Variants in GRAMD4 observed in about 807,000 individuals in gnomAD.
GRAMD4 encodes GRAM domain containing 4, also known as GRAM domain-containing protein 4.
Under a neutral mutation model 83.9 loss-of-function variants are expected in GRAMD4, and 25 were observed. The observed-to-expected ratio is 0.30, with a 90% CI of 0.22 to 0.42. The LOEUF (loss-of-function observed/expected upper bound fraction) is 0.42. Among genes scored for constraint, GRAMD4 ranks in the 10% least tolerant of loss-of-function variants. GRAMD4 has a pLI of 1.00. For synonymous variants in GRAMD4, 336 were observed against 320.9 expected, an observed-to-expected ratio of 1.05 and a Z score of -0.50; for missense variants, 593 against 788.7, an observed-to-expected ratio of 0.75 and a Z score of 2.97.
chr22:46,589,861 C>T (rs1602299437), intron 1 of GRAMD4, among the ~76,000 whole-genome samples: 1 of 152,158 alleles, frequency 6.6e-6, no homozygotes, highest in African/African-American at 2.4e-5. Flanking sequence ...AGCCTGACTG[C>T]CTCCCCTCCC....
intron 3 of GRAMD4, among the ~76,000 whole-genome samples, chr22:46,653,928 C>A (rs2082204165): frequency 6.6e-6 from 1 of 152,220 alleles, no homozygotes; most frequent in East Asian, 1.9e-4. Flanking sequence ...ACTGCCACAA[C>A]ATGAAGACAG....
At chr22:46,633,848 T>A (rs1463396293) in intron 2 of GRAMD4, among the ~76,000 whole-genome samples, 1 of 152,070 alleles carries the variant, frequency 6.6e-6, no homozygotes, top group Non-Finnish European at 1.5e-5. Flanking sequence ...TTTTCTGTCC[T>A]CAGTGTGGGG....
At chr22:46,602,215 G>C (rs1259381418) in intron 1 of GRAMD4, among the ~76,000 whole-genome samples, 1 of 152,230 alleles carries the variant, frequency 6.6e-6, no homozygotes, top group Non-Finnish European at 1.5e-5. Context: ...GTGCGTGTGA[G>C]AGACTAGGAG....
At chr22:46,586,388 C>T (rs1309528235) in intron 1 of GRAMD4, among the ~76,000 whole-genome samples, 1 of 152,002 alleles carries the variant, frequency 6.6e-6, no homozygotes, top group African/African-American at 2.4e-5. Flanking sequence ...GAGGCATTTG[C>T]CGGGTGATGC....
At chr22:46,590,758 T>A (rs1256044794) in intron 1 of GRAMD4, among the ~76,000 whole-genome samples, 4 of 152,224 alleles carry the variant, frequency 2.6e-5, no homozygotes, top group African/African-American at 9.6e-5. Flanking sequence ...TGGACACTAC[T>A]AGTTTATAAA....
chr22:46,653,752 A>ACCTT (rs2082201086), intron 3 of GRAMD4, among the ~76,000 whole-genome samples: 1 of 152,138 alleles, frequency 6.6e-6, no homozygotes, highest in African/African-American at 2.4e-5. Context: ...GGCTGCCTTG[A>ACCTT]CCTTGACAGG....
At chr22:46,589,108 G>A (rs551823651) in intron 1 of GRAMD4, among the ~76,000 whole-genome samples, 9 of 152,170 alleles carry the variant, frequency 5.9e-5, no homozygotes, top group African/African-American at 2.2e-4. Flanking sequence ...CTGGATGGGC[G>A]ACACTCCCCA....
chr22:46,658,252 G>A lies in GRAMD4; in HGVS notation c.349G>A (p.Glu117Lys), dbSNP rs778474114. 6.2e-7 allele frequency: 1 copy of A among 1,613,494 alleles called. No individual in the cohort carries two copies. The highest frequency in any genetic ancestry group is 1.1e-5 in the South Asian group (1 of 91,068). The change falls in exon 4 of 19, where the codon GAG becomes AAG. Residue 117 changes from glutamate (E) to lysine (K), a missense_variant. Transcript: ENST00000406902. Reference sequence around the variant, plus strand: ...GATGCTGCGGCAGGAGCTGGACCGCGAGCGGCAGCGGCGGATGGAGCTGGA... The same window carrying A: ...GATGCTGCGGCAGGAGCTGGACCGCAAGCGGCAGCGGCGGATGGAGCTGGA... ...AEMLRQELDR[E>K]RQRRMELEQK...
chr22:46,671,615 T>C (rs2337061), intron 13 of GRAMD4, among the ~76,000 whole-genome samples: 73,800 of 151,458 alleles, frequency 0.49, 18,208 homozygotes, highest in Middle Eastern at 0.61. Context: ...AAGATCATGT[T>C]GCTGCACTCC....
At chr22:46,655,642 C>T (rs953712431) in intron 3 of GRAMD4, among the ~76,000 whole-genome samples, 3 of 152,176 alleles carry the variant, frequency 2.0e-5, no homozygotes, top group South Asian at 2.1e-4. Flanking sequence ...GCCCTGGAGA[C>T]GTGTCCCCCA....
intron 2 of GRAMD4, among the ~76,000 whole-genome samples, chr22:46,627,980 G>A (rs762226912): frequency 1.7e-4 from 26 of 152,204 alleles, no homozygotes; most frequent in Admixed American, 1.2e-3. Context: ...TAGGGTGTCT[G>A]CCCTTGTGCA....
At chr22:46,613,326 G>A (rs985972965) in intron 1 of GRAMD4, among the ~76,000 whole-genome samples, 7 of 152,248 alleles carry the variant, frequency 4.6e-5, no homozygotes, top group Non-Finnish European at 1.0e-4. Flanking sequence ...CTGTGCTTGA[G>A]ATGATCTGGT....
At position 46,679,685 on chromosome 22, in the gene GRAMD4, TCTC is replaced by T. The variant is rs1468256876; in HGVS notation, c.*2437_*2439del. On this transcript the variant is annotated 3_prime_UTR_variant, in exon 19 of 19. Transcript: ENST00000406902. ...TGTATTAAGAACCGATGAAAAAAAT[TCTC>T]CTGTAACATTTTTTTAAGAAAACTT... is the stretch of plus-strand genomic sequence containing the variant. The T allele has an allele frequency of 1.0e-6, 1 of 979,174 alleles. No homozygotes were observed. Among genetic ancestry groups the T allele is most frequent in the African/African-American group, 1.8e-5 (1 of 57,112 alleles). The allele number at this position is 979,174 out of a possible 1,614,324, so 60.7% of individuals were successfully genotyped here.
chr22:46,658,238 A>G lies in GRAMD4; in HGVS notation c.335A>G (p.Gln112Arg). 6.2e-7 allele frequency: 1 copy of G among 1,613,646 alleles called. No homozygotes were observed. The highest frequency in any genetic ancestry group is 1.1e-5 in the South Asian group (1 of 91,088). Residue 112 changes from glutamine to arginine, a missense_variant, in exon 4 of 19, where the codon CAG (glutamine) becomes CGG (arginine). Coordinates refer to ENST00000406902, the MANE Select transcript of GRAMD4 (RefSeq NM_015124.5). ...GAAACCAACGCGGAGATGCTGCGGC[A>G]GGAGCTGGACCGCGAGCGGCAGCGG... ...REETNAEMLR[Q>R]ELDRERQRRM...
chr22:46,620,182 G>GAAATAAA (rs1209015454), upstream of GRAMD4: 19 of 324,712 alleles, frequency 5.9e-5, no homozygotes, highest in Non-Finnish European at 8.4e-5. The surrounding 1 kb of genome is among the most constrained non-coding windows in gnomAD (Gnocchi z 4.7). Context: ...CTGAGTCCAG[G>GAAATAAA]GTTCCCTAGA....
rs1173213085 is a variant in GRAMD4, at chr22:46,678,379, G to A, written c.*1128G>A. Reference sequence around the variant, plus strand: ...CTCCCCCGCGTGCCTAGCCGGTGCCGGTCCGGGCACAGACCCCCCCAGCCC... The same window carrying A: ...CTCCCCCGCGTGCCTAGCCGGTGCCAGTCCGGGCACAGACCCCCCCAGCCC... On this transcript the variant is annotated 3_prime_UTR_variant, in exon 19 of 19. Coordinates refer to ENST00000406902, the MANE Select transcript of GRAMD4 (RefSeq NM_015124.5). 1.1e-5 allele frequency: 11 copies of A among 984,202 alleles called. No individual in the cohort carries two copies. The South Asian group carries it at 1.9e-4, about 17-fold the overall frequency. The allele number at this position is 984,202 out of a possible 1,614,324, so 61.0% of individuals were successfully genotyped here. A position where few individuals can be genotyped will look rare whatever the true frequency, so the allele number is the denominator to read the frequency against.
At chr22:46,603,653 A>G (rs910745141) in intron 1 of GRAMD4, among the ~76,000 whole-genome samples, 1 of 149,998 alleles carries the variant, frequency 6.7e-6, no homozygotes, top group African/African-American at 2.5e-5. Context: ...AGTAGCTGGG[A>G]TTACAGGCGC....
intron 3 of GRAMD4, among the ~76,000 whole-genome samples, chr22:46,648,519 A>G (rs2082105979): frequency 7.4e-6 from 1 of 134,534 alleles, no homozygotes; most frequent in East Asian, 2.4e-4. Flanking sequence ...GTGAGTAGAT[A>G]GACAGATGGG....
chr22:46,607,648 C>T (rs966017540), intron 1 of GRAMD4, among the ~76,000 whole-genome samples: 19 of 152,208 alleles, frequency 1.2e-4, no homozygotes, highest in East Asian at 1.9e-4. Flanking sequence ...TCCCAGCCAC[C>T]GCCCTCTCTC....
Sources: gnomAD v4.1 joint callset for allele counts (sites outside exome capture counted in the v4.1 genomes callset) on GRCh38, gnomAD v4.1.1 for gene constraint, Gnocchi (gnomAD v3.1) non-coding constraint, MANE v1.5 for transcripts, NCBI Gene and HGNC (gene_info 2026-07-23, HGNC 2026-07-21) for gene names.